CMTM7: variants seen among roughly 807,000 people sequenced by gnomAD.
CMTM7 encodes the protein CKLF-like MARVEL transmembrane domain-containing protein 7.
A neutral mutation model predicts 19.3 loss-of-function variants in CMTM7; 7 were observed. The observed-to-expected ratio is 0.36, with a 90% CI of 0.21 to 0.68. The LOEUF (loss-of-function observed/expected upper bound fraction) is 0.68, where lower values mean the gene tolerates loss of function less well. Ranked by LOEUF, CMTM7 falls within the 30% of genes least tolerant of loss-of-function variation. CMTM7 has a pLI of 0.60. For synonymous variants in CMTM7, 87 were observed against 99.3 expected (o/e 0.88, Z 0.74); for missense variants, 193 against 232.6 (o/e 0.83, Z 1.11).
chr3:32,416,084 G>C (rs1696257270), intron 1 of CMTM7, among the ~76,000 whole-genome samples: 1 of 152,200 alleles, frequency 6.6e-6, no homozygotes, highest in African/African-American at 2.4e-5. Context: ...AGGTAATCTT[G>C]GGTAAATCAC....
intron 1 of CMTM7, among the ~76,000 whole-genome samples, chr3:32,418,033 G>T (rs1208600783): frequency 6.6e-6 from 1 of 152,092 alleles, no homozygotes; most frequent in Non-Finnish European, 1.5e-5. Flanking sequence ...TGTTGCTAAG[G>T]CTGGTCTCGA....
At chr3:32,407,546 A>T (rs1696107544) in intron 1 of CMTM7, among the ~76,000 whole-genome samples, 1 of 152,214 alleles carries the variant, frequency 6.6e-6, no homozygotes, top group African/African-American at 2.4e-5. Context: ...CCTGCAGATC[A>T]GATATTTGAT....
intron 1 of CMTM7, among the ~76,000 whole-genome samples, chr3:32,413,962 T>G (rs1475532997): frequency 6.6e-6 from 1 of 152,080 alleles, no homozygotes; most frequent in Non-Finnish European, 1.5e-5. Context: ...AACCTCTCCC[T>G]GGGGGCAGCC....
chr3:32,444,272 T>G (rs141324583), intron 2 of CMTM7, among the ~76,000 whole-genome samples: 39 of 152,358 alleles, frequency 2.6e-4, no homozygotes, highest in African/African-American at 8.2e-4. Flanking sequence ...TTCTATTGCA[T>G]GTAGATATCC....
At position 32,401,235 on chromosome 3, in the gene CMTM7, G is replaced by A. The variant is rs187057615; in HGVS notation, c.159+9170G>A. 1.1e-3 allele frequency among the ~76,000 whole-genome samples: 164 copies of A among 152,318 alleles called. 2 individuals are homozygous for A. The highest frequency in any genetic ancestry group is 3.2e-4 in the Non-Finnish European group (22 of 68,014). On this transcript the variant is annotated intron_variant, in intron 1 of 4. Coordinates refer to ENST00000334983, the MANE Select transcript of CMTM7 (RefSeq NM_138410.4). ...GAATGGAAGTTCCACTCTTGCGGAA[G>A]GCCTTACCTATTCAGGCTGCAGAGC... is the stretch of plus-strand genomic sequence containing the variant.
At chr3:32,405,704 A>G (rs1253775661) in intron 1 of CMTM7, among the ~76,000 whole-genome samples, 1 of 152,178 alleles carries the variant, frequency 6.6e-6, no homozygotes, top group African/African-American at 2.4e-5. Context: ...GCAGTGACCT[A>G]TGATCTATGC....
At position 32,400,582 on chromosome 3, in the gene CMTM7, G is replaced by A. The variant is rs141917999; in HGVS notation, c.159+8517G>A. On this transcript the variant is annotated intron_variant, in intron 1 of 4. Coordinates refer to ENST00000334983, the MANE Select transcript of CMTM7 (RefSeq NM_138410.4). ...TAATTATTGTATTTTTAGTAGAGAC[G>A]GGGTTTCACCGTGTTAGCCAGGATG... Among the ~76,000 whole-genome samples the A allele has an allele frequency of 7.6e-3, 1,159 of 151,658 alleles. 5 individuals are homozygous for A. Among genetic ancestry groups the A allele is most frequent in the Admixed American group, 0.012 (187 of 15,232 alleles).
intron 1 of CMTM7, among the ~76,000 whole-genome samples, chr3:32,438,313 A>G (rs1696627880): frequency 6.6e-6 from 1 of 152,130 alleles, no homozygotes; most frequent in African/African-American, 2.4e-5. Flanking sequence ...GTTCAGGGGT[A>G]CTTGTGTAGG....
intron 1 of CMTM7, among the ~76,000 whole-genome samples, chr3:32,396,297 G>C (rs1397154049): frequency 6.6e-6 from 1 of 152,136 alleles, no homozygotes; most frequent in African/African-American, 2.4e-5. Context: ...CCTGAGGTCA[G>C]GAGTTCGAGA....
At chr3:32,413,083 T>C (rs1696204120) in intron 1 of CMTM7, among the ~76,000 whole-genome samples, 1 of 152,220 alleles carries the variant, frequency 6.6e-6, no homozygotes, top group Non-Finnish European at 1.5e-5. Context: ...TAAAGTTGTA[T>C]TGGAACACAG....
chr3:32,438,409 AG>A (rs1290024251), intron 1 of CMTM7, among the ~76,000 whole-genome samples: 1 of 152,148 alleles, frequency 6.6e-6, no homozygotes, highest in Non-Finnish European at 1.5e-5. Context: ...TAAATAATTC[AG>A]GGGGCCCCAG....
chr3:32,447,704 T>C (rs986291979), intron 2 of CMTM7, among the ~76,000 whole-genome samples: 1 of 152,214 alleles, frequency 6.6e-6, no homozygotes, highest in Admixed American at 6.5e-5. Context: ...TAGTAACTTT[T>C]TTTTGTGTTC....
At chr3:32,437,761 C>T (rs146074890) in intron 1 of CMTM7, among the ~76,000 whole-genome samples, 1,589 of 152,118 alleles carry the variant, frequency 0.01, 27 homozygotes, top group African/African-American at 0.036. Flanking sequence ...CATGGTGGCG[C>T]ATACATGTAA....
chr3:32,442,119 A>C, intron 2 of CMTM7, 106 bp downstream of exon 2: 1 of 1,032,526 alleles, frequency 9.7e-7, no homozygotes, highest in South Asian at 1.5e-5. Flanking sequence ...CACCTCTTTA[A>C]CCATTCTTTG....
At chr3:32,442,698 G>C (rs1190896308) in intron 2 of CMTM7, among the ~76,000 whole-genome samples, 2 of 152,072 alleles carry the variant, frequency 1.3e-5, no homozygotes, top group Non-Finnish European at 2.9e-5. Flanking sequence ...AGAGACTAGT[G>C]GGGGCTGAGG....
chr3:32,422,338 A>G (rs1384732170), intron 1 of CMTM7, among the ~76,000 whole-genome samples: 3 of 152,196 alleles, frequency 2.0e-5, no homozygotes, highest in Non-Finnish European at 4.4e-5. Context: ...ACAGGCACTC[A>G]CTTCTGGCAC....
intron 1 of CMTM7, among the ~76,000 whole-genome samples, chr3:32,392,337 C>T (rs1016047843): frequency 2.6e-5 from 4 of 152,240 alleles, no homozygotes; most frequent in Admixed American, 6.5e-5. Flanking sequence ...CGGCCACCCC[C>T]CTGCGAAGCC....
intron 1 of CMTM7, among the ~76,000 whole-genome samples, chr3:32,403,879 C>G (rs1004387918): frequency 3.3e-5 from 5 of 152,142 alleles, no homozygotes; most frequent in Non-Finnish European, 7.3e-5. Flanking sequence ...ACAGCAGGTG[C>G]TAGTGATGAC....
intron 1 of CMTM7, among the ~76,000 whole-genome samples, chr3:32,428,776 G>A (rs1199025630): frequency 5.3e-5 from 8 of 152,148 alleles, no homozygotes; most frequent in Non-Finnish European, 1.2e-4. Flanking sequence ...GATCGTCATT[G>A]CTCCAGAAGG....
Sources: allele counts gnomAD v4.1 joint callset (sites outside exome capture counted in the v4.1 genomes callset), GRCh38; gene constraint gnomAD v4.1.1; transcripts MANE v1.5; gene names NCBI Gene and HGNC (gene_info 2026-07-23, HGNC 2026-07-21).